Variants in DCHS2 observed in about 807,000 individuals in gnomAD.
DCHS2 encodes protocadherin-23.
DCHS2 carries 142 observed loss-of-function variants against 182.4 expected under a neutral mutation model. The ratio of observed to expected loss-of-function variants is 0.78; its 90% confidence interval spans 0.68 to 0.89. The LOEUF is 0.89. Ranked by LOEUF, DCHS2 falls within the 40% of genes least tolerant of loss-of-function variation. The pLI is 0.00. For missense variants in DCHS2, 4,319 were observed against 4,198.6 expected (o/e 1.03, Z -0.79); for synonymous variants, 1,740 against 1,663.3 (o/e 1.05, Z -1.12).
chr4:154,298,879 G>C (rs546119717), intron 12 of DCHS2, 171 bp from the exon 13 acceptor site: 3 of 967,850 alleles, frequency 3.1e-6, no homozygotes, highest in East Asian at 2.8e-5. Context: ...CATGATAAAG[G>C]CTCTGCCCTC....
intron 10 of DCHS2, 127 bp from the exon 11 acceptor site, chr4:154,305,358 T>C: frequency 8.5e-7 from 1 of 1,182,744 alleles, no homozygotes; most frequent in East Asian, 2.8e-5. Context: ...AAACAGCCTT[T>C]AAATTAAGGT....
At chr4:154,488,131 T>G (rs1022494297) in intron 1 of DCHS2, among the ~76,000 whole-genome samples, 4 of 152,116 alleles carry the variant, frequency 2.6e-5, no homozygotes, top group Non-Finnish European at 5.9e-5. Context: ...TGAGCCATGA[T>G]TGTGCCACTG....
intron 12 of DCHS2, among the ~76,000 whole-genome samples, chr4:154,299,416 G>A (rs570633311): frequency 6.6e-6 from 1 of 152,102 alleles, no homozygotes; most frequent in Admixed American, 6.5e-5. Context: ...GGGACAAAAA[G>A]CTTTCAAAGA....
rs77365871 is a variant in DCHS2, at chr4:154,335,924, A to G, written c.2477-820T>C. ...GCCCGAGATGACAGAAGATCAGATTATATCCCATAGTCCAGTATATTCTAA... is the reference window on the plus strand; with the variant it reads ...GCCCGAGATGACAGAAGATCAGATTGTATCCCATAGTCCAGTATATTCTAA... On this transcript the variant is annotated intron_variant, in intron 3 of 19. Coordinates refer to ENST00000357232, the MANE Select transcript of DCHS2 (RefSeq NM_001358235.2). Among the ~76,000 whole-genome samples the G allele has an allele frequency of 6.1e-3, 935 of 152,334 alleles. 14 individuals are homozygous for G. The highest frequency in any genetic ancestry group is 0.02 in the African/African-American group (825 of 41,582).
chr4:154,315,084 A>C (rs1578953919), intron 10 of DCHS2, among the ~76,000 whole-genome samples: 1 of 152,196 alleles, frequency 6.6e-6, no homozygotes, highest in Non-Finnish European at 1.5e-5. Flanking sequence ...GTTTACTCCG[A>C]AGTCATTTGT....
Position 154,473,274 on chromosome 4 carries a change from A to T in DCHS2, c.2052+16030T>A, listed in dbSNP as rs188441956. On this transcript the variant is annotated intron_variant, in intron 1 of 19. Transcript: ENST00000357232. ...GGGCTCAGTGCATCCAGACATTCTG[A>T]TTCCCAGAGTTGGGGAGCACTTCAT... Among the ~76,000 whole-genome samples, 20 of 152,336 alleles carry T rather than the reference A, an allele frequency of 1.3e-4. No individual in the cohort carries two copies. The East Asian group carries it at 3.9e-3, about 29-fold the overall frequency.
intron 4 of DCHS2, 72 bp downstream of exon 4, chr4:154,334,796 T>C (rs1728710028): frequency 8.1e-7 from 1 of 1,227,138 alleles, no homozygotes; most frequent in African/African-American, 1.5e-5. Flanking sequence ...TATTCAAGAT[T>C]GTACCGCCTA....
rs1012296637 is a variant in DCHS2, at chr4:154,483,340, C to G, written c.2052+5964G>C. 3.3e-5 allele frequency among the ~76,000 whole-genome samples: 5 copies of G among 152,204 alleles called. No homozygotes were observed. In the South Asian group the frequency reaches 1.0e-3, roughly 32 times the overall value. On this transcript the variant is annotated intron_variant, in intron 1 of 19. Transcript: ENST00000357232. ...ATCAAAGGCTGAGAAAGCGGAAAGG[C>G]TGGCAAGCTGTGATCAGAGAGTGAG...
chr4:154,296,664 G>A (rs1396060400), intron 13 of DCHS2, among the ~76,000 whole-genome samples: 2 of 152,138 alleles, frequency 1.3e-5, no homozygotes, highest in African/African-American at 2.4e-5. Flanking sequence ...GGAGTTATTT[G>A]TTTTAACTTT....
chr4:154,264,567 G>A (rs1733152994), intron 14 of DCHS2, among the ~76,000 whole-genome samples: 1 of 152,134 alleles, frequency 6.6e-6, no homozygotes, highest in African/African-American at 2.4e-5. Flanking sequence ...CAAATGAATG[G>A]CGTTTAGATC....
intron 1 of DCHS2, among the ~76,000 whole-genome samples, chr4:154,383,781 T>G (rs1477964793): frequency 1.3e-5 from 2 of 152,086 alleles, no homozygotes; most frequent in Non-Finnish European, 2.9e-5. Flanking sequence ...ATAATTCCTC[T>G]GTCTACTCCT....
chr4:154,306,272 A>C (rs1196738930), intron 10 of DCHS2, among the ~76,000 whole-genome samples: 1 of 152,050 alleles, frequency 6.6e-6, no homozygotes, highest in African/African-American at 2.4e-5. Flanking sequence ...TGACCCTGAG[A>C]AAAAAAGTCT....
Position 154,456,487 on chromosome 4 carries a change from C to T in DCHS2, c.2052+32817G>A, listed in dbSNP as rs1007370843. 2.6e-5 allele frequency among the ~76,000 whole-genome samples: 4 copies of T among 152,316 alleles called. No individual in the cohort carries two copies. In the South Asian group the frequency reaches 6.2e-4, roughly 24 times the overall value. On this transcript the variant is annotated intron_variant, in intron 1 of 19. Transcript: ENST00000357232. Reference sequence around the variant, plus strand: ...CAGATGCTAATGCAGATATGACACGCTGCTGTGAGTGCACAGGAGATGCGG... The same window carrying T: ...CAGATGCTAATGCAGATATGACACGTTGCTGTGAGTGCACAGGAGATGCGG...
At chr4:154,369,997 C>T (rs1416266297) in intron 2 of DCHS2, among the ~76,000 whole-genome samples, 1 of 152,124 alleles carries the variant, frequency 6.6e-6, no homozygotes, top group East Asian at 1.9e-4. Context: ...TCTGGGACTC[C>T]TGAATAGTAG....
chr4:154,438,506 T>C (rs925961438), intron 1 of DCHS2, among the ~76,000 whole-genome samples: 1 of 152,222 alleles, frequency 6.6e-6, no homozygotes, highest in Non-Finnish European at 1.5e-5. Context: ...TATTCTCACC[T>C]ACATTTTTTG....
At chr4:154,302,907 C>A (rs1419481094) in intron 12 of DCHS2, among the ~76,000 whole-genome samples, 1 of 143,842 alleles carries the variant, frequency 7.0e-6, no homozygotes, top group African/African-American at 2.6e-5. Flanking sequence ...TGTATATATA[C>A]ACACATATAT....
intron 10 of DCHS2, among the ~76,000 whole-genome samples, chr4:154,311,147 A>C (rs1165920458): frequency 1.3e-5 from 2 of 152,190 alleles, no homozygotes; most frequent in African/African-American, 2.4e-5. Flanking sequence ...AAAAGGGATA[A>C]AATTTTATCC....
chr4:154,330,147 A>G (rs1736462524), intron 5 of DCHS2, among the ~76,000 whole-genome samples: 1 of 152,186 alleles, frequency 6.6e-6, no homozygotes, highest in Non-Finnish European at 1.5e-5. Flanking sequence ...TGAGCCTGGG[A>G]CTGCTGTCAG....
rs781499553 is a variant in DCHS2 at position 154,316,014 on chromosome 4, C to T, written c.5021-27G>A. ...TGTTTTGAAAATGGAAGAAAAGCAA[C>T]ATGTAATGAATATTCTTTAGAGAAG... On this transcript the variant is annotated intron_variant, in intron 9 of 19. Coordinates refer to ENST00000357232, the MANE Select transcript of DCHS2 (RefSeq NM_001358235.2). 66 of 1,611,632 alleles carry T rather than the reference C, an allele frequency of 4.1e-5. No individual in the cohort carries two copies. In the South Asian group the frequency reaches 5.8e-4, roughly 14 times the overall value.
Sources: allele counts gnomAD v4.1 joint callset (sites outside exome capture counted in the v4.1 genomes callset), GRCh38; gene constraint gnomAD v4.1.1; transcripts MANE v1.5; gene names NCBI Gene and HGNC (gene_info 2026-07-23, HGNC 2026-07-21).